Variants in TERT observed in about 807,000 individuals in gnomAD.
The protein encoded by TERT is telomerase reverse transcriptase.
A neutral mutation model predicts 104.0 loss-of-function variants in TERT; 42 were observed. The ratio of observed to expected loss-of-function variants is 0.40; its 90% confidence interval spans 0.32 to 0.52. TERT has a LOEUF of 0.52. TERT is among the 20% of genes least tolerant of loss of function. The pLI is 0.43. For synonymous variants in TERT, 781 were observed against 725.6 expected (o/e 1.08, Z -1.23); for missense variants, 1,101 against 1,610.3 (o/e 0.68, Z 5.41).
At chr5:1,278,000 G>C (rs1255513317) in intron 6 of TERT, among the ~76,000 whole-genome samples, 2 of 151,324 alleles carry the variant, frequency 1.3e-5, no homozygotes, top group Non-Finnish European at 2.9e-5. Flanking sequence ...GTGTGTCCCG[G>C]GGAGCGAGGC....
chr5:1,278,492 C>T, intron 6 of TERT, 149 bp downstream of exon 6: 2 of 1,164,974 alleles, frequency 1.7e-6, no homozygotes, highest in Non-Finnish European at 2.6e-6. Flanking sequence ...TGCACCACGA[C>T]ACACACGTGC....
intron 6 of TERT, among the ~76,000 whole-genome samples, chr5:1,273,010 C>T (rs1749212312): frequency 1.4e-5 from 1 of 69,904 alleles, no homozygotes; most frequent in African/African-American, 8.4e-5. Context: ...AGTCACCACA[C>T]ATCAGACCCC....
At chr5:1,264,642 G>T (rs773931981) in intron 10 of TERT, 50 bp from the exon 11 acceptor site, 1 of 1,598,618 alleles carries the variant, frequency 6.3e-7, no homozygotes, top group Admixed American at 1.7e-5. Context: ...CGTCACCCAG[G>T]AGGTAACCTG....
At chr5:1,266,659 T>C in intron 9 of TERT, 124 bp from the exon 10 acceptor site, 2 of 881,034 alleles carry the variant, frequency 2.3e-6, no homozygotes, top group South Asian at 2.9e-5. Context: ...CCAAAGCGGT[T>C]AAATGAAAAA....
rs1748521050 is a variant in TERT at position 1,265,418 on chromosome 5, A to G, written c.2655-826T>C. Among the ~76,000 whole-genome samples, 1 of 152,008 alleles carries G rather than the reference A, an allele frequency of 6.6e-6. No homozygotes were observed. The stretch of plus-strand genomic sequence containing the variant: ...GTTCTGCCCCCGGTGGGACCCCAAC[A>G]TACACTCTGAGCCACCTCCCTGGCC... On this transcript the variant is annotated intron_variant, in intron 10 of 15. Coordinates refer to ENST00000310581, the MANE Select transcript of TERT (RefSeq NM_198253.3). This position sits in a 1 kb window ranked among gnomAD's most constrained non-coding sequence, Gnocchi z 6.9.
At position 1,279,346 on chromosome 5, in the gene TERT, G is replaced by T. The variant is rs1060503005; in HGVS notation, c.2075C>A (p.Thr692Asn). The change falls in exon 5 of 16, where the codon ACC (threonine) becomes AAC (asparagine). Residue 692 changes from threonine to asparagine, a missense_variant. Around this residue, in one of 5 missense-constraint regions of TERT, gnomAD observed 463 missense variants for 797.5 expected, o/e 0.58. Transcript: ENST00000310581. The stretch of plus-strand genomic sequence containing the variant: ...CTGGGCCCGCACACGCAGCACGAAG[G>T]TGCGCCAGGCCCTGTGGATATCGTC... ...GLDDIHRAWR[T>N]FVLRVRAQDP... 6.3e-7 allele frequency: 1 copy of T among 1,583,414 alleles called. No homozygotes were observed. The highest frequency in any genetic ancestry group is 2.3e-5 in the East Asian group (1 of 43,254).
intron 3 of TERT, among the ~76,000 whole-genome samples, chr5:1,281,633 C>T (rs1750026444): frequency 6.6e-6 from 1 of 152,212 alleles, no homozygotes; most frequent in East Asian, 1.9e-4. Flanking sequence ...CACAGCCATT[C>T]AAATGCAGCC....
In TERT at chr5:1,269,348, A is replaced by G. The variant is rs1337268627; in HGVS notation, c.2469-715T>C. On this transcript the variant is annotated intron_variant, in intron 8 of 15. Coordinates refer to ENST00000310581, the MANE Select transcript of TERT (RefSeq NM_198253.3). This position sits in a 1 kb window ranked among gnomAD's most constrained non-coding sequence, Gnocchi z 9.0. The stretch of plus-strand genomic sequence containing the variant: ...TTTCCGGCTGGGCGTGATGGCTCAC[A>G]CCTGTAATCCCAGCACTTTGGGAGG... Among the ~76,000 whole-genome samples, 1 of 152,108 alleles carries G rather than the reference A, an allele frequency of 6.6e-6. No homozygotes were observed. Among genetic ancestry groups the G allele is most frequent in the Non-Finnish European group, 1.5e-5 (1 of 68,020 alleles).
Position 1,291,219 on chromosome 5 carries a change from T to G in TERT, c.1573+2094A>C, listed in dbSNP as rs1305829355. 3.8e-3 allele frequency among the ~76,000 whole-genome samples: 153 copies of G among 40,092 alleles called. 3 individuals carry two copies. Among genetic ancestry groups the G allele is most frequent in the Non-Finnish European group, 4.8e-3 (100 of 20,628 alleles). The allele number at this position is 40,092 out of a possible 152,430, so 26.3% of individuals were successfully genotyped here. On this transcript the variant is annotated intron_variant, in intron 2 of 15. Coordinates refer to ENST00000310581, the MANE Select transcript of TERT (RefSeq NM_198253.3). ...TCACCCTACACGTGACAGGGACACC[T>G]GGGGCCGCGCCTCACTCACCCTACA...
At chr5:1,273,133 C>CTGTG (rs1491286382) in intron 6 of TERT, among the ~76,000 whole-genome samples, 11 of 26,604 alleles carry the variant, frequency 4.1e-4, no homozygotes, top group Non-Finnish European at 6.8e-4. Flanking sequence ...CATCAGACCC[C>CTGTG]ACGACCGCCA....
At position 1,280,262 on chromosome 5, in the gene TERT, G is replaced by A. The variant is rs780283430; in HGVS notation, c.1846C>T (p.Leu616=). Residue 616 remains leucine, a synonymous_variant, in exon 4 of 16, where the codon CTG becomes TTG. Transcript: ENST00000310581. ...VRQHREARPA[L]LTSRLRFIPK... ...ATGAAGCGGAGTCTGGACGTCAGCA[G>A]GGCGGGCCTGGCTTCCCGATGCTGC... The A allele has an allele frequency of 6.2e-7, 1 of 1,613,644 alleles. No individual in the cohort carries two copies. The highest frequency in any genetic ancestry group is 1.3e-5 in the African/African-American group (1 of 74,944).
chr5:1,260,722 G>T, intron 11 of TERT, 122 bp from the exon 12 acceptor site: 1 of 1,413,892 alleles, frequency 7.1e-7, no homozygotes, highest in East Asian at 2.5e-5. Context: ...TGGGGCATGC[G>T]CTGCAGCCCG....
At position 1,282,795 on chromosome 5, in the gene TERT, T is replaced by C. The variant is rs375892455; in HGVS notation, c.1574-171A>G. On this transcript the variant is annotated intron_variant, in intron 2 of 15. Coordinates refer to ENST00000310581, the MANE Select transcript of TERT (RefSeq NM_198253.3). ...CCAGCCCACCAAGGGCCTGGCGACC[T>C]CACCCTGGACCTGCACCATTCGGAC... 5.2e-5 allele frequency: 36 copies of C among 690,050 alleles called. No individual in the cohort carries two copies. The East Asian group carries it at 5.6e-4, about 11-fold the overall frequency. 42.7% of individuals were successfully genotyped at this position (690,050 alleles called of 1,614,324 possible). A position where few individuals can be genotyped will look rare whatever the true frequency, so the allele number is the denominator to read the frequency against.
intron 10 of TERT, among the ~76,000 whole-genome samples, chr5:1,264,954 C>T (rs1263411979): frequency 6.6e-6 from 1 of 152,228 alleles, no homozygotes; most frequent in African/African-American, 2.4e-5. Context: ...AGACTAAAAT[C>T]TGGACAAGAA....
intron 6 of TERT, among the ~76,000 whole-genome samples, chr5:1,273,887 G>A (rs1326058685): frequency 6.6e-6 from 1 of 152,186 alleles, no homozygotes. Flanking sequence ...GGCCTCTCCA[G>A]CCCAGTGCTG....
In TERT at chr5:1,278,770, G is replaced by A; in HGVS notation, c.2157C>T (p.Thr719=). 1 of 1,614,160 alleles carries A rather than the reference G, an allele frequency of 6.2e-7. No homozygotes were observed. Among genetic ancestry groups the A allele is most frequent in the Non-Finnish European group, 8.5e-7 (1 of 1,180,044 alleles). ...VKVDVTGAYD[T]IPQDRLTEVI... is the part of the protein sequence containing the mutation. ...CCTCCGTGAGCCTGTCCTGGGGGAT[G>A]GTGTCGTACGCGCCCGTCACATCCA... Residue 719 remains threonine, a synonymous_variant, in exon 6 of 16, where the codon ACC becomes ACT. Transcript: ENST00000310581.
In TERT at chr5:1,254,477, G is replaced by C; in HGVS notation, c.3186C>G (p.Ala1062=). 1 of 1,612,720 alleles carries C rather than the reference G, an allele frequency of 6.2e-7. No individual in the cohort carries two copies. Among genetic ancestry groups the C allele is most frequent in the South Asian group, 1.1e-5 (1 of 91,056 alleles). The stretch of plus-strand genomic sequence containing the variant: ...GCACGGCCTCGGAGGGCAGAGGGCC[G>C]GCGGCGCCCTTGGCCCCCAGCGACA... ...AGMSLGAKGA[A]GPLPSEAVQW... is the part of the protein sequence containing the mutation. Residue 1062 remains alanine (A), a synonymous_variant, in exon 15 of 16, where the codon GCC becomes GCG. Transcript: ENST00000310581.
At chr5:1,277,896 CCTCCAGCGTG>C (rs754889821) in intron 6 of TERT, among the ~76,000 whole-genome samples, 5 of 151,936 alleles carry the variant, frequency 3.3e-5, no homozygotes, top group African/African-American at 9.7e-5. Context: ...AGGGCTTACC[CCTCCAGCGTG>C]CTCATGACCA....
At position 1,269,711 on chromosome 5, in the gene TERT, G is replaced by A. The variant is rs1182382451; in HGVS notation, c.2469-1078C>T. On this transcript the variant is annotated intron_variant, in intron 8 of 15. Transcript: ENST00000310581. This position sits in a 1 kb window ranked among gnomAD's most constrained non-coding sequence, Gnocchi z 9.0. ...CTGCACTTTTTGCACAGAAGCACAC[G>A]CACCAACTCTAGGAGTCCGGCCAGC... Among the ~76,000 whole-genome samples, 1 of 152,084 alleles carries A rather than the reference G, an allele frequency of 6.6e-6. No homozygotes were observed. Among genetic ancestry groups the A allele is most frequent in the African/African-American group, 2.4e-5 (1 of 41,410 alleles).
Sources: gnomAD v4.1 joint callset for allele counts (sites outside exome capture counted in the v4.1 genomes callset) on GRCh38, gnomAD v4.1.1 for gene constraint, gnomAD v4.1.1 regional missense constraint, Gnocchi (gnomAD v3.1) non-coding constraint, MANE v1.5 for transcripts, NCBI Gene and HGNC (gene_info 2026-07-23, HGNC 2026-07-21) for gene names.